The following PRKG1 variants were observed in gnomAD, a reference collection of about 807,000 sequenced individuals.
PRKG1 encodes protein kinase cGMP-dependent 1, also known as cGMP-dependent protein kinase 1.
Under a neutral mutation model 88.1 loss-of-function variants are expected in PRKG1, and 35 were observed. That is an observed-to-expected ratio of 0.40 (90% CI 0.30 to 0.53). The LOEUF (loss-of-function observed/expected upper bound fraction) is 0.53. PRKG1 is among the 20% of genes least tolerant of loss of function. The pLI, the probability that PRKG1 is intolerant of heterozygous loss-of-function variation, is 0.59. For synonymous variants in PRKG1, 303 were observed against 292.5 expected (o/e 1.04, Z -0.37); for missense variants, 540 against 839.8 (o/e 0.64, Z 4.41).
At chr10:51,900,182 T>A (rs1232281709) in intron 4 of PRKG1, among the ~76,000 whole-genome samples, 2 of 152,176 alleles carry the variant, frequency 1.3e-5, no homozygotes, top group African/African-American at 4.8e-5. Context: ...CTGCATTCAA[T>A]CTGTTGAATT....
At chr10:51,331,376 A>T (rs1841737027) in intron 2 of PRKG1, among the ~76,000 whole-genome samples, 1 of 152,126 alleles carries the variant, frequency 6.6e-6, no homozygotes, top group African/African-American at 2.4e-5. Context: ...TCGTGGTCTC[A>T]TCTGGTGCCA....
At chr10:51,432,114 G>A (rs892967780) in intron 2 of PRKG1, among the ~76,000 whole-genome samples, 1 of 152,032 alleles carries the variant, frequency 6.6e-6, no homozygotes, top group African/African-American at 2.4e-5. Flanking sequence ...GGAGTATGCC[G>A]CAATCAAGGT....
intron 3 of PRKG1, among the ~76,000 whole-genome samples, chr10:51,545,607 C>G (rs777441145): frequency 6.6e-6 from 1 of 152,028 alleles, no homozygotes; most frequent in Non-Finnish European, 1.5e-5. Flanking sequence ...TCGTTTGAAT[C>G]CTTTTATTAT....
At chr10:52,283,873 A>T (rs943693374) in intron 14 of PRKG1, among the ~76,000 whole-genome samples, 7 of 152,068 alleles carry the variant, frequency 4.6e-5, no homozygotes, top group Non-Finnish European at 8.8e-5. Flanking sequence ...ATAGAAGAAA[A>T]CTAAATATTA....
At chr10:52,271,915 T>C (rs1261341294) in intron 11 of PRKG1, among the ~76,000 whole-genome samples, 2 of 152,042 alleles carry the variant, frequency 1.3e-5, no homozygotes, top group Admixed American at 1.3e-4. Context: ...AATGGGGAGA[T>C]TTTTATATGT....
At position 51,784,371 on chromosome 10, in the gene PRKG1, C is replaced by T. The variant is rs1454458178; in HGVS notation, c.593-20214C>T. ...GCAGTACACATATGTAGCTGTCCCA[C>T]TGGATTTTAAGCATCAGCTCGTGTG... On this transcript the variant is annotated intron_variant, in intron 3 of 17. Transcript: ENST00000373980. Among the ~76,000 whole-genome samples, 3 of 152,080 alleles carry T rather than the reference C, an allele frequency of 2.0e-5. 1 individual carries two copies. The highest frequency in any genetic ancestry group is 1.3e-4 in the Admixed American group (2 of 15,248).
chr10:51,160,374 T>C (rs1846328868), intron 2 of PRKG1, among the ~76,000 whole-genome samples: 1 of 152,188 alleles, frequency 6.6e-6, no homozygotes, highest in African/African-American at 2.4e-5. Context: ...CTCTCTCAAA[T>C]TGTGCTTGTT....
At chr10:51,744,837 A>G (rs1837536244) in intron 3 of PRKG1, among the ~76,000 whole-genome samples, 1 of 152,196 alleles carries the variant, frequency 6.6e-6, no homozygotes, top group Non-Finnish European at 1.5e-5. Flanking sequence ...ATCGACCTGT[A>G]GAGAGCTTCA....
At chr10:51,820,164 C>G (rs7918563) in intron 4 of PRKG1, among the ~76,000 whole-genome samples, 1 of 152,054 alleles carries the variant, frequency 6.6e-6, no homozygotes, top group Non-Finnish European at 1.5e-5. Flanking sequence ...TTATGTACAA[C>G]TGTTATATGC....
Position 50,991,097 on chromosome 10 carries a change from T to G in PRKG1, c.-282T>G, listed in dbSNP as rs1842775334. On this transcript the variant is annotated 5_prime_UTR_variant, in exon 1 of 18. Coordinates refer to the PRKG1 transcript ENST00000401604. The surrounding 1 kb of genome is among the most constrained non-coding windows in gnomAD (Gnocchi z 4.5). The stretch of plus-strand genomic sequence containing the variant: ...GGTTTCTCAATGAAAGATAATCACC[T>G]ACTCCCCAGAGAGGCTGGAGATTAG... The G allele has an allele frequency of 2.8e-6, 1 of 359,060 alleles. No individual in the cohort carries two copies. The allele number at this position is 359,060 out of a possible 1,614,324, so 22.2% of individuals were successfully genotyped here.
chr10:52,193,548 CAA>C (rs34730000), intron 9 of PRKG1, among the ~76,000 whole-genome samples: 23 of 42,830 alleles, frequency 5.4e-4, no homozygotes, highest in Non-Finnish European at 8.1e-4. Flanking sequence ...GACTCTGTCT[CAA>C]AAAAAAAAAA....
intron 3 of PRKG1, among the ~76,000 whole-genome samples, chr10:51,516,314 G>A (rs1246665111): frequency 2.6e-5 from 4 of 151,982 alleles, no homozygotes; most frequent in Non-Finnish European, 5.9e-5. Context: ...AAGTCAAGTT[G>A]CCTCTCCTCA....
intron 3 of PRKG1, among the ~76,000 whole-genome samples, chr10:51,648,719 G>A (rs1014484777): frequency 1.3e-5 from 2 of 152,014 alleles, no homozygotes; most frequent in East Asian, 1.9e-4. Context: ...GTTCAGTGAC[G>A]TTTAATATTC....
intron 4 of PRKG1, among the ~76,000 whole-genome samples, chr10:51,846,831 A>T (rs1445675560): frequency 6.6e-6 from 1 of 152,184 alleles, no homozygotes; most frequent in Non-Finnish European, 1.5e-5. Flanking sequence ...TTCACTTTGT[A>T]AGTGAATGGA....
chr10:51,981,445 G>A (rs1844007415), intron 5 of PRKG1, among the ~76,000 whole-genome samples: 1 of 151,996 alleles, frequency 6.6e-6, no homozygotes, highest in Non-Finnish European at 1.5e-5. Flanking sequence ...AATTAGCCAG[G>A]CATAGTGGCA....
At chr10:51,537,369 T>C (rs1269522673) in intron 3 of PRKG1, among the ~76,000 whole-genome samples, 1 of 152,140 alleles carries the variant, frequency 6.6e-6, no homozygotes, top group Non-Finnish European at 1.5e-5. Context: ...ATACTGCCTC[T>C]GTTGGGAGTG....
intron 3 of PRKG1, among the ~76,000 whole-genome samples, chr10:51,795,192 A>T (rs542656264): frequency 4.6e-5 from 7 of 152,226 alleles, no homozygotes; most frequent in African/African-American, 1.7e-4. Flanking sequence ...TCTACAAGGT[A>T]TGACGTCAAA....
intron 1 of PRKG1, 69 bp from the exon 2 acceptor site, chr10:51,153,095 C>T (rs1003482641): frequency 2.7e-6 from 4 of 1,461,822 alleles, no homozygotes; most frequent in Non-Finnish European, 1.9e-6. Context: ...CTCTATGGCG[C>T]TGCTAAACCT....
chr10:52,208,077 G>A (rs1839867802), intron 9 of PRKG1, among the ~76,000 whole-genome samples: 1 of 152,184 alleles, frequency 6.6e-6, no homozygotes, highest in African/African-American at 2.4e-5. Context: ...GCTACACTGT[G>A]AGGCAGCAGT....
Sources: gnomAD v4.1 joint callset for allele counts (sites outside exome capture counted in the v4.1 genomes callset) on GRCh38, gnomAD v4.1.1 for gene constraint, Gnocchi (gnomAD v3.1) non-coding constraint, MANE v1.5 for transcripts, NCBI Gene and HGNC (gene_info 2026-07-23, HGNC 2026-07-21) for gene names.